Variants in TOX observed in about 807,000 individuals in gnomAD.
TOX encodes the protein thymocyte selection-associated high mobility group box protein TOX.
TOX carries 11 observed loss-of-function variants against 53.7 expected under a neutral mutation model. The ratio of observed to expected loss-of-function variants is 0.20; its 90% CI spans 0.13 to 0.34. TOX has a LOEUF of 0.34. Ranked by LOEUF, TOX falls within the 10% of genes least tolerant of loss-of-function variation. TOX has a pLI of 1.00. For synonymous variants in TOX, 225 were observed against 245.3 expected (o/e 0.92, Z 0.77); for missense variants, 570 against 664.6 (o/e 0.86, Z 1.56).
intron 3 of TOX, among the ~76,000 whole-genome samples, chr8:58,857,627 A>G (rs1308700032): frequency 2.0e-5 from 3 of 152,184 alleles, no homozygotes; most frequent in Admixed American, 1.3e-4. Flanking sequence ...CCTTGATGCT[A>G]AGGCCATGTT....
intron 5 of TOX, among the ~76,000 whole-genome samples, chr8:58,835,008 G>T (rs1040502064): frequency 6.6e-6 from 1 of 151,974 alleles, no homozygotes; most frequent in East Asian, 1.9e-4. Flanking sequence ...TTAAACAAGT[G>T]TTCAAATTTT....
At chr8:59,057,614 G>T (rs753812065) in intron 1 of TOX, among the ~76,000 whole-genome samples, 1 of 151,888 alleles carries the variant, frequency 6.6e-6, no homozygotes, top group South Asian at 2.1e-4. Flanking sequence ...TATTCTCTCC[G>T]CCCCCCGCCT....
intron 1 of TOX, among the ~76,000 whole-genome samples, chr8:59,058,891 C>T (rs1012520270): frequency 6.6e-6 from 1 of 152,198 alleles, no homozygotes; most frequent in Admixed American, 6.5e-5. Context: ...AAAGTTAACA[C>T]AGCCCAGGGC....
chr8:58,887,308 T>C (rs1344589752), intron 3 of TOX, among the ~76,000 whole-genome samples: 4 of 151,940 alleles, frequency 2.6e-5, no homozygotes, highest in Admixed American at 2.0e-4. Flanking sequence ...ATCAATATTA[T>C]ACTCACTTCA....
chr8:58,986,251 C>T (rs1813325715), intron 1 of TOX, among the ~76,000 whole-genome samples: 1 of 152,162 alleles, frequency 6.6e-6, no homozygotes, highest in Non-Finnish European at 1.5e-5. Context: ...CTTCAGGGTA[C>T]TTAGAGCTGA....
At chr8:59,020,185 A>G (rs1387758851) in intron 1 of TOX, among the ~76,000 whole-genome samples, 1 of 152,186 alleles carries the variant, frequency 6.6e-6, no homozygotes, top group Non-Finnish European at 1.5e-5. Context: ...CATAAACCAT[A>G]CTGGGCTTCC....
At chr8:59,022,866 G>A (rs899305354) in intron 1 of TOX, among the ~76,000 whole-genome samples, 3 of 152,136 alleles carry the variant, frequency 2.0e-5, no homozygotes, top group African/African-American at 7.2e-5. Context: ...GACAAATGCT[G>A]TCTTGAAGGA....
intron 3 of TOX, among the ~76,000 whole-genome samples, chr8:58,890,265 C>A (rs1438823911): frequency 6.6e-6 from 1 of 152,058 alleles, no homozygotes; most frequent in African/African-American, 2.4e-5. Flanking sequence ...TTAAGACATG[C>A]ATCAACAATT....
At chr8:58,967,699 C>A (rs1316700459) in intron 1 of TOX, among the ~76,000 whole-genome samples, 1 of 152,156 alleles carries the variant, frequency 6.6e-6, no homozygotes, top group Non-Finnish European at 1.5e-5. Flanking sequence ...TCCCTCATGC[C>A]CAGCAACCAG....
At chr8:58,982,748 C>A (rs1813228075) in intron 1 of TOX, among the ~76,000 whole-genome samples, 1 of 152,182 alleles carries the variant, frequency 6.6e-6, no homozygotes, top group Non-Finnish European at 1.5e-5. Context: ...TTCAATATAA[C>A]TCTGAAAATA....
At position 58,915,437 on chromosome 8, in the gene TOX, G is replaced by A. The variant is rs1435503067; in HGVS notation, c.411+23865C>T. On this transcript the variant is annotated intron_variant, in intron 3 of 8. Coordinates refer to ENST00000361421, the MANE Select transcript of TOX (RefSeq NM_014729.3). ...TAACTGGGAGGCACCCCCCAGCAGG[G>A]GCACACTGACACCTCACACGGCAGG... Among the ~76,000 whole-genome samples, 646 of 102,154 alleles carry A rather than the reference G, an allele frequency of 6.3e-3. 8 individuals are homozygous for A. The highest frequency in any genetic ancestry group is 0.023 in the African/African-American group (569 of 24,894). The allele number at this position is 102,154 out of a possible 152,430, so 67.0% of individuals were successfully genotyped here.
intron 3 of TOX, among the ~76,000 whole-genome samples, chr8:58,909,089 T>C (rs1040805997): frequency 1.3e-5 from 2 of 152,186 alleles, no homozygotes; most frequent in African/African-American, 4.8e-5. Context: ...TAGTCACACA[T>C]TAGAATTACC....
intron 1 of TOX, among the ~76,000 whole-genome samples, chr8:59,034,574 T>C (rs1322692235): frequency 2.0e-5 from 3 of 152,158 alleles, no homozygotes; most frequent in Non-Finnish European, 2.9e-5. Flanking sequence ...GATGCTTTCG[T>C]CCAAGTCCAG....
At position 58,851,193 on chromosome 8, in the gene TOX, A is replaced by T. The variant is rs34973619; in HGVS notation, c.693+331T>A. On this transcript the variant is annotated intron_variant, in intron 4 of 8. Transcript: ENST00000361421. This position sits in a 1 kb window ranked among gnomAD's most constrained non-coding sequence, Gnocchi z 4.4. ...CTCTCTCTCTCTCTCTCTCACACAC[A>T]CACACACACACACACACACGACCTT... 0.26 allele frequency among the ~76,000 whole-genome samples: 35,851 copies of T among 135,732 alleles called. 4,982 individuals carry two copies. The highest frequency in any genetic ancestry group is 0.32 in the Middle Eastern group (89 of 278). 89.0% of individuals were successfully genotyped at this position (135,732 alleles called of 152,430 possible). A position where few individuals can be genotyped will look rare whatever the true frequency, so the allele number is the denominator to read the frequency against.
chr8:59,071,778 A>G (rs1323895960), intron 1 of TOX, among the ~76,000 whole-genome samples: 2 of 152,188 alleles, frequency 1.3e-5, no homozygotes, highest in Non-Finnish European at 1.5e-5. Flanking sequence ...ATCTATATCT[A>G]CTCATCGAGT....
chr8:59,004,037 C>A (rs1170629386), intron 1 of TOX, among the ~76,000 whole-genome samples: 1 of 152,202 alleles, frequency 6.6e-6, no homozygotes, highest in Non-Finnish European at 1.5e-5. Context: ...TCACTACATT[C>A]TATTGATTCA....
intron 1 of TOX, among the ~76,000 whole-genome samples, chr8:59,107,054 G>T (rs577784216): frequency 7.8e-6 from 1 of 128,022 alleles, no homozygotes; most frequent in African/African-American, 2.9e-5. Flanking sequence ...GCTGGGGGGG[G>T]GGGGAACGTG....
At chr8:58,908,121 G>C (rs75152933) in intron 3 of TOX, among the ~76,000 whole-genome samples, 6,437 of 152,134 alleles carry the variant, frequency 0.042, 448 homozygotes, top group African/African-American at 0.15. Context: ...TAGGCCCCCA[G>C]TGTGTGTTTT....
At chr8:58,922,844 G>A (rs1812095013) in intron 3 of TOX, among the ~76,000 whole-genome samples, 1 of 152,220 alleles carries the variant, frequency 6.6e-6, no homozygotes, top group Non-Finnish European at 1.5e-5. Flanking sequence ...GTAATGAGGG[G>A]CGAGCGGCAG....
Sources: allele counts gnomAD v4.1 joint callset (sites outside exome capture counted in the v4.1 genomes callset), GRCh38; gene constraint gnomAD v4.1.1; non-coding constraint Gnocchi (gnomAD v3.1); transcripts MANE v1.5; gene names NCBI Gene and HGNC (gene_info 2026-07-23, HGNC 2026-07-21).